The following P4HA3 variants were observed in gnomAD, a reference collection of about 807,000 sequenced individuals.
P4HA3 encodes the protein prolyl 4-hydroxylase subunit alpha-3.
P4HA3 carries 60 observed loss-of-function variants against 66.7 expected under a neutral mutation model. The observed-to-expected ratio is 0.90, with a 90% CI of 0.73 to 1.12. P4HA3 has a LOEUF of 1.12. Ranked by LOEUF, P4HA3 falls within the 50% of genes most tolerant of loss-of-function variation. The pLI is 0.00. For synonymous variants in P4HA3, 263 were observed against 274.6 expected (o/e 0.96, Z 0.42); for missense variants, 683 against 685.8 (o/e 1.00, Z 0.05).
intron 2 of P4HA3, among the ~76,000 whole-genome samples, chr11:74,303,161 C>T (rs1861465819): frequency 6.6e-6 from 1 of 152,076 alleles, no homozygotes; most frequent in Non-Finnish European, 1.5e-5. Context: ...TGCTATGTTG[C>T]CCAGGCTGGT....
Position 74,304,336 on chromosome 11 carries a change from T to C in P4HA3, c.277A>G (p.Ile93Val), listed in dbSNP as rs144383099. 877 of 1,614,008 alleles carry C rather than the reference T, an allele frequency of 5.4e-4. No individual in the cohort carries two copies. The highest frequency in any genetic ancestry group is 2.3e-3 in the Admixed American group (136 of 60,012). Residue 93 changes from isoleucine to valine, a missense_variant, in exon 2 of 13, where the codon ATC becomes GTC. Ile to Val is a conservative substitution (Grantham distance 29). Coordinates refer to ENST00000331597, the MANE Select transcript of P4HA3 (RefSeq NM_182904.5). Reference sequence around the variant, plus strand: ...CTCCAGTCAGACTGCAGGCGTTTGATGAGAGTAAATGCAAGCAGAGGGTTA... The same window carrying C: ...CTCCAGTCAGACTGCAGGCGTTTGACGAGAGTAAATGCAAGCAGAGGGTTA... ...VANPLLAFTL[I>V]KRLQSDWRNV...
chr11:74,276,941 C>T (rs771562647), intron 9 of P4HA3, 44 bp downstream of exon 9: 17 of 1,567,724 alleles, frequency 1.1e-5, no homozygotes, highest in Middle Eastern at 1.8e-4. Flanking sequence ...AAATAATGCC[C>T]TGGCTCCCTA....
At chr11:74,283,063 A>C (rs943704054) in intron 7 of P4HA3, among the ~76,000 whole-genome samples, 2 of 152,128 alleles carry the variant, frequency 1.3e-5, no homozygotes, top group Non-Finnish European at 2.9e-5. Flanking sequence ...TATTCAACAC[A>C]AGCCACTGAG....
At chr11:74,290,974 C>T (rs1444600411) in intron 4 of P4HA3, among the ~76,000 whole-genome samples, 1 of 152,160 alleles carries the variant, frequency 6.6e-6, no homozygotes, top group East Asian at 1.9e-4. Flanking sequence ...TTTTCCAATT[C>T]TGTGAAGAAA....
intron 15 of P4HA3, among the ~76,000 whole-genome samples, chr11:74,252,961 TGA>T (rs1158731575): frequency 2.6e-5 from 4 of 152,320 alleles, no homozygotes; most frequent in South Asian, 2.1e-4. Context: ...ACAACCCTCA[TGA>T]GGAGTCATTC....
downstream of P4HA3, among the ~76,000 whole-genome samples, chr11:74,264,995 C>T (rs1289219599): frequency 2.0e-5 from 3 of 152,218 alleles, no homozygotes; most frequent in Non-Finnish European, 4.4e-5. Context: ...CAGTCTGTGG[C>T]ACTCTCAACA....
rs1860414254 is a variant in P4HA3 at position 74,276,861 on chromosome 11, A to G, written c.1335+124T>C. ...CTAAGGCTTTCAGATATTTCTGGAA[A>G]AAGAACCTTTGTTCTAAGATTTCAC... On this transcript the variant is annotated intron_variant, in intron 9 of 12. Transcript: ENST00000331597. The G allele has an allele frequency of 3.0e-5, 34 of 1,120,376 alleles. No individual in the cohort carries two copies. The South Asian group carries it at 6.7e-4, about 22-fold the overall frequency. 69.4% of individuals were successfully genotyped at this position (1,120,376 alleles called of 1,614,324 possible).
chr11:74,295,137 A>G (rs1861173782), intron 4 of P4HA3, among the ~76,000 whole-genome samples: 1 of 152,198 alleles, frequency 6.6e-6, no homozygotes, highest in East Asian at 1.9e-4. Context: ...TATATTTAAT[A>G]ATATAACTGA....
At chr11:74,283,911 A>G (rs539205629) in intron 7 of P4HA3, among the ~76,000 whole-genome samples, 1 of 152,336 alleles carries the variant, frequency 6.6e-6, no homozygotes, top group Middle Eastern at 3.4e-3. Flanking sequence ...CCACACCTCT[A>G]TGATAGCATG....
chr11:74,259,221 A>T (rs1859871520), intron 15 of P4HA3, among the ~76,000 whole-genome samples: 1 of 152,206 alleles, frequency 6.6e-6, no homozygotes, highest in African/African-American at 2.4e-5. Flanking sequence ...TCTACTAAAA[A>T]TACAAAAATT....
downstream of P4HA3, among the ~76,000 whole-genome samples, chr11:74,264,000 A>G (rs1346516909): frequency 1.3e-5 from 2 of 152,248 alleles, no homozygotes; most frequent in African/African-American, 2.4e-5. Context: ...ATATCTATCT[A>G]TCTACTAAGT....
At chr11:74,259,577 T>A (rs1859877287) in intron 15 of P4HA3, among the ~76,000 whole-genome samples, 1 of 152,168 alleles carries the variant, frequency 6.6e-6, no homozygotes, top group Non-Finnish European at 1.5e-5. Flanking sequence ...CAGCAAGAAC[T>A]CTGTACCCAT....
intron 8 of P4HA3, among the ~76,000 whole-genome samples, chr11:74,277,739 G>A (rs1191416392): frequency 6.6e-6 from 1 of 152,242 alleles, no homozygotes; most frequent in Non-Finnish European, 1.5e-5. Flanking sequence ...GCAGAGTTCA[G>A]TCTCTTTTCC....
chr11:74,253,880 A>G (rs1859768230), intron 15 of P4HA3: 1 of 357,036 alleles, frequency 2.8e-6, no homozygotes, highest in South Asian at 5.6e-5. Context: ...AGGCTCAGGG[A>G]CCTCCATTCC....
At chr11:74,279,601 T>C in intron 7 of P4HA3, 149 bp from the exon 8 acceptor site, 3 of 714,332 alleles carry the variant, frequency 4.2e-6, no homozygotes, top group Non-Finnish European at 7.4e-6. Flanking sequence ...GTGGGACTAA[T>C]TTAGTGACAG....
intron 5 of P4HA3, chr11:74,287,350 G>C: frequency 7.8e-7 from 1 of 1,278,936 alleles, no homozygotes; most frequent in Non-Finnish European, 1.0e-6. Flanking sequence ...AAGAGAAGAA[G>C]TGAAGTTTTG....
chr11:74,261,865 T>C (rs1422257839), downstream of P4HA3, among the ~76,000 whole-genome samples: 1 of 152,184 alleles, frequency 6.6e-6, no homozygotes, highest in African/African-American at 2.4e-5. Context: ...TGTGCAACTG[T>C]TCCAAGAAGC....
At chr11:74,250,258 C>G (rs1245264668) in intron 15 of P4HA3, 1 of 152,086 alleles carries the variant, frequency 6.6e-6, no homozygotes. Flanking sequence ...CCTTAGGGAT[C>G]TTCTTTATCA....
intron 15 of P4HA3, among the ~76,000 whole-genome samples, chr11:74,255,698 A>G (rs2135691660): frequency 6.6e-6 from 1 of 152,330 alleles, no homozygotes; most frequent in East Asian, 1.9e-4. Flanking sequence ...AACTTTATTC[A>G]GGGCCGTCTG....
Sources: gnomAD v4.1 joint callset for allele counts (sites outside exome capture counted in the v4.1 genomes callset) on GRCh38, gnomAD v4.1.1 for gene constraint, MANE v1.5 for transcripts, NCBI Gene and HGNC (gene_info 2026-07-23, HGNC 2026-07-21) for gene names.